The following SH3BP4 variants were observed in gnomAD, a reference collection of about 807,000 sequenced individuals.
The protein encoded by SH3BP4 is SH3 domain binding protein 4.
Under a neutral mutation model 65.5 loss-of-function variants are expected in SH3BP4, and 33 were observed. That is an observed-to-expected ratio of 0.50 (90% CI 0.38 to 0.67). SH3BP4 has a LOEUF of 0.67. Among genes scored for constraint, SH3BP4 ranks in the 30% least tolerant of loss-of-function variants. The pLI, the probability that SH3BP4 is intolerant of heterozygous loss-of-function variation, is 0.00. For missense variants in SH3BP4, 1,134 were observed against 1,261.4 expected, an observed-to-expected ratio of 0.90 and a Z score of 1.53; for synonymous variants, 552 against 545.5, an observed-to-expected ratio of 1.01 and a Z score of -0.17.
chr2:234,958,842 C>G (rs1225327218), intron 1 of SH3BP4, among the ~76,000 whole-genome samples: 1 of 151,938 alleles, frequency 6.6e-6, no homozygotes, highest in Non-Finnish European at 1.5e-5. Flanking sequence ...AGAGTGGAGG[C>G]CACGCAGAAG....
chr2:234,967,643 C>T lies in SH3BP4; in HGVS notation c.-207+15473C>T, dbSNP rs1009826722. On this transcript the variant is annotated intron_variant, in intron 1 of 5. Coordinates refer to ENST00000392011, the MANE Select transcript of SH3BP4 (RefSeq NM_014521.3). The surrounding 1 kb of genome is among the most constrained non-coding windows in gnomAD (Gnocchi z 4.6). The stretch of plus-strand genomic sequence containing the variant: ...TATCCGCGTCAGGTTACCTCCTTCC[C>T]GTGCCTCCCTGGCTCCCTGGGTTCT... 6.6e-6 allele frequency among the ~76,000 whole-genome samples: 1 copy of T among 152,196 alleles called. No individual in the cohort carries two copies. The highest frequency in any genetic ancestry group is 2.1e-4 in the South Asian group (1 of 4,834).
intron 1 of SH3BP4, among the ~76,000 whole-genome samples, chr2:234,964,548 C>A (rs1692791221): frequency 6.6e-6 from 1 of 151,812 alleles, no homozygotes; most frequent in Non-Finnish European, 1.5e-5. Context: ...TACTGGGGGT[C>A]AGGACAGGAT....
At chr2:234,957,875 T>C (rs530227490) in intron 1 of SH3BP4, among the ~76,000 whole-genome samples, 15 of 152,152 alleles carry the variant, frequency 9.9e-5, no homozygotes, top group Non-Finnish European at 1.8e-4. Flanking sequence ...GGAATGTTTT[T>C]CCTTAAGGCC....
chr2:234,982,211 C>G (rs1475870827), intron 1 of SH3BP4, among the ~76,000 whole-genome samples: 18 of 152,224 alleles, frequency 1.2e-4, no homozygotes, highest in Admixed American at 1.2e-3. Context: ...GTCCTGGTCT[C>G]TGGTGGTGCC....
intron 4 of SH3BP4, among the ~76,000 whole-genome samples, chr2:235,044,940 A>G (rs1574848539): frequency 6.6e-6 from 1 of 152,318 alleles, no homozygotes; most frequent in East Asian, 1.9e-4. Flanking sequence ...CACCTTGGCA[A>G]CCAGGAAATC....
chr2:234,990,275 G>A (rs1187875645), intron 1 of SH3BP4, among the ~76,000 whole-genome samples: 1 of 152,220 alleles, frequency 6.6e-6, no homozygotes, highest in Admixed American at 6.5e-5. Context: ...GGGTGAGGCT[G>A]GAGCGACCCC....
intron 3 of SH3BP4, among the ~76,000 whole-genome samples, chr2:235,038,111 G>A (rs938115203): frequency 2.7e-5 from 4 of 147,774 alleles, no homozygotes. Context: ...AGGCTCTAAT[G>A]GTGCTGATAC....
At chr2:234,992,337 T>G (rs2106270774) in intron 1 of SH3BP4, among the ~76,000 whole-genome samples, 1 of 152,058 alleles carries the variant, frequency 6.6e-6, no homozygotes, top group South Asian at 2.1e-4. Flanking sequence ...TTCTTCGGGG[T>G]GGCTGGAGGG....
chr2:234,961,421 G>A (rs756687923), intron 1 of SH3BP4, among the ~76,000 whole-genome samples: 10 of 152,068 alleles, frequency 6.6e-5, no homozygotes, highest in African/African-American at 4.8e-5. Context: ...ACAAGTGTGC[G>A]CCACCATGCC....
In SH3BP4 at chr2:234,997,979, C is replaced by T. The variant is rs1172645834; in HGVS notation, c.-133+2603C>T. On this transcript the variant is annotated intron_variant, in intron 2 of 5. Transcript: ENST00000392011. The surrounding 1 kb of genome is among the most constrained non-coding windows in gnomAD (Gnocchi z 4.2). ...CTACTAAAAATACAAAAAAATTAGC[C>T]GGGCGTGGTGGTGGGCGCCTATAGT... 4.6e-5 allele frequency among the ~76,000 whole-genome samples: 7 copies of T among 152,060 alleles called. No individual in the cohort carries two copies. Among genetic ancestry groups the T allele is most frequent in the Admixed American group, 1.3e-4 (2 of 15,268 alleles).
intron 1 of SH3BP4, among the ~76,000 whole-genome samples, chr2:234,954,826 T>C (rs11682146): frequency 0.88 from 133,429 of 152,080 alleles, 58,973 homozygotes; most frequent in Middle Eastern, 0.93. Flanking sequence ...TGTGCTTTCT[T>C]TTCCTGGGGA....
chr2:235,038,290 A>G lies in SH3BP4; in HGVS notation c.119-2598A>G, dbSNP rs1481225865. On this transcript the variant is annotated intron_variant, in intron 3 of 5. Transcript: ENST00000392011. Reference sequence around the variant, plus strand: ...TTATATATAATATATATTATATATAATATATATATTATATATATATATTAT... The same window carrying G: ...TTATATATAATATATATTATATATAGTATATATATTATATATATATATTAT... Among the ~76,000 whole-genome samples, 43 of 13,148 alleles carry G rather than the reference A, an allele frequency of 3.3e-3. 3 individuals carry two copies. In the African/African-American group the frequency reaches 0.048, roughly 15 times the overall value. 8.6% of individuals were successfully genotyped at this position (13,148 alleles called of 152,430 possible). A position where few individuals can be genotyped will look rare whatever the true frequency, so the allele number is the denominator to read the frequency against.
rs1249190259 is a variant in SH3BP4, at chr2:235,045,038, C to T, written c.2478+1791C>T. ...GGGTCACCTGCAGGGAGGGGATGGC[C>T]TGCGTCCCTCCCATCAGCCATCACC... is the stretch of plus-strand genomic sequence containing the variant. On this transcript the variant is annotated intron_variant, in intron 4 of 5. Coordinates refer to ENST00000392011, the MANE Select transcript of SH3BP4 (RefSeq NM_014521.3). The surrounding 1 kb of genome is among the most constrained non-coding windows in gnomAD (Gnocchi z 4.3). Among the ~76,000 whole-genome samples, 1 of 152,210 alleles carries T rather than the reference C, an allele frequency of 6.6e-6. No individual in the cohort carries two copies. The highest frequency in any genetic ancestry group is 2.4e-5 in the African/African-American group (1 of 41,458).
chr2:234,987,836 C>A (rs191215894), intron 1 of SH3BP4, among the ~76,000 whole-genome samples: 1 of 152,062 alleles, frequency 6.6e-6, no homozygotes, highest in Non-Finnish European at 1.5e-5. Flanking sequence ...AAGGAAAAGC[C>A]GAGTGTGCAT....
intron 2 of SH3BP4, among the ~76,000 whole-genome samples, chr2:235,000,490 A>G (rs956483025): frequency 6.6e-6 from 1 of 152,180 alleles, no homozygotes; most frequent in Non-Finnish European, 1.5e-5. Flanking sequence ...CACTGGCCAG[A>G]GTCAATAACA....
intron 1 of SH3BP4, among the ~76,000 whole-genome samples, chr2:234,987,150 C>T (rs776578268): frequency 1.9e-4 from 29 of 152,134 alleles, no homozygotes; most frequent in Admixed American, 3.3e-4. Flanking sequence ...CACCCCAGAC[C>T]TACAGAATCA....
chr2:235,044,859 G>A (rs935988636), intron 4 of SH3BP4, among the ~76,000 whole-genome samples: 6 of 152,222 alleles, frequency 3.9e-5, no homozygotes, highest in Non-Finnish European at 8.8e-5. Context: ...GTCGTGTGCA[G>A]TGCCAGAAGC....
In SH3BP4 at chr2:235,055,162, C is replaced by G. The variant is rs1574856825; in HGVS notation, c.*1346C>G. On this transcript the variant is annotated 3_prime_UTR_variant, in exon 6 of 6. Transcript: ENST00000392011. ...GGAGGAAGGACTGATACTGGCAAAT[C>G]AGTAGAGTGAGGTGATCCTTAGCAA... 1 of 152,328 alleles carries G rather than the reference C, an allele frequency of 6.6e-6. No individual in the cohort carries two copies. The highest frequency in any genetic ancestry group is 2.4e-5 in the African/African-American group (1 of 41,560). 9.4% of individuals were successfully genotyped at this position (152,328 alleles called of 1,614,324 possible).
intron 4 of SH3BP4, among the ~76,000 whole-genome samples, chr2:235,050,571 G>A (rs1275158742): frequency 2.0e-5 from 3 of 152,044 alleles, no homozygotes; most frequent in Non-Finnish European, 4.4e-5. Flanking sequence ...TAAATTCCAT[G>A]GATTGAGATG....
Sources: allele counts gnomAD v4.1 joint callset (sites outside exome capture counted in the v4.1 genomes callset), GRCh38; gene constraint gnomAD v4.1.1; non-coding constraint Gnocchi (gnomAD v3.1); transcripts MANE v1.5; gene names NCBI Gene and HGNC (gene_info 2026-07-23, HGNC 2026-07-21).